Variants in ROBO1 observed in about 807,000 individuals in gnomAD.
ROBO1 encodes the protein roundabout homolog 1.
A neutral mutation model predicts 195.9 loss-of-function variants in ROBO1; 149 were observed. That is an observed-to-expected ratio of 0.76 (90% CI 0.67 to 0.87). ROBO1 has a LOEUF of 0.87. ROBO1 is among the 40% of genes least tolerant of loss of function. The pLI, the probability that ROBO1 is intolerant of heterozygous loss-of-function variation, is 0.00. For missense variants in ROBO1, 1,933 were observed against 2,068.3 expected (o/e 0.93, Z 1.27); for synonymous variants, 816 against 733.2 (o/e 1.11, Z -1.82).
chr3:79,292,983 T>G (rs1433627131), intron 2 of ROBO1, among the ~76,000 whole-genome samples: 2 of 152,174 alleles, frequency 1.3e-5, no homozygotes, highest in East Asian at 3.8e-4. Context: ...CTGGTAGAAT[T>G]TGGCTGTGAA....
chr3:79,214,784 AT>A (rs1281257987), intron 2 of ROBO1, among the ~76,000 whole-genome samples: 1 of 147,930 alleles, frequency 6.8e-6, no homozygotes, highest in African/African-American at 2.5e-5. Context: ...GCATATATAT[AT>A]ATATACACCA....
chr3:79,138,393 A>G (rs562943509), intron 2 of ROBO1, among the ~76,000 whole-genome samples: 2 of 152,170 alleles, frequency 1.3e-5, no homozygotes, highest in South Asian at 4.1e-4. Flanking sequence ...AACATGAATT[A>G]TTTCCTTATT....
intron 4 of ROBO1, among the ~76,000 whole-genome samples, chr3:78,858,660 G>A (rs112938420): frequency 1.1e-3 from 163 of 151,944 alleles, no homozygotes; most frequent in African/African-American, 3.4e-3. Flanking sequence ...TGAGGTGGGA[G>A]GATTGCTTGA....
intron 1 of ROBO1, among the ~76,000 whole-genome samples, chr3:79,700,585 T>C (rs942257252): frequency 6.6e-6 from 1 of 151,858 alleles, no homozygotes; most frequent in African/African-American, 2.4e-5. Flanking sequence ...TGGTGTGAGA[T>C]GGTGCCTTAT....
At chr3:78,944,624 G>T (rs2107724155) in intron 3 of ROBO1, among the ~76,000 whole-genome samples, 1 of 152,378 alleles carries the variant, frequency 6.6e-6, no homozygotes, top group East Asian at 1.9e-4. Context: ...TTCCAACTGA[G>T]GTACCGGGTT....
chr3:79,155,905 C>T (rs1030703785), intron 2 of ROBO1, among the ~76,000 whole-genome samples: 1 of 151,824 alleles, frequency 6.6e-6, no homozygotes, highest in African/African-American at 2.4e-5. Context: ...TACTACAATT[C>T]ATCATTCACT....
intron 2 of ROBO1, among the ~76,000 whole-genome samples, chr3:79,435,193 C>T (rs957181020): frequency 6.6e-6 from 1 of 151,992 alleles, no homozygotes; most frequent in Admixed American, 6.6e-5. Flanking sequence ...GCACATGTAC[C>T]CTAGAACTTA....
At chr3:79,608,015 A>C (rs971664230) in intron 1 of ROBO1, among the ~76,000 whole-genome samples, 1 of 152,038 alleles carries the variant, frequency 6.6e-6, no homozygotes, top group Non-Finnish European at 1.5e-5. Context: ...TACATTGATC[A>C]ATTAGTACGA....
At position 78,953,781 on chromosome 3, in the gene ROBO1, T is replaced by G. The variant is rs111880367; in HGVS notation, c.173-14854A>C. Reference sequence around the variant, plus strand: ...ACTTGAATAAACTGCTTAAACTCTCTGAATATTAGTTTCTCCATCTGTAAA... The same window carrying G: ...ACTTGAATAAACTGCTTAAACTCTCGGAATATTAGTTTCTCCATCTGTAAA... On this transcript the variant is annotated intron_variant, in intron 3 of 30. Coordinates refer to ENST00000464233, the MANE Select transcript of ROBO1 (RefSeq NM_002941.4). 2.9e-3 allele frequency among the ~76,000 whole-genome samples: 435 copies of G among 151,776 alleles called. 3 individuals carry two copies. The highest frequency in any genetic ancestry group is 0.01 in the African/African-American group (425 of 41,230).
At chr3:79,630,686 G>C (rs1049784887) in intron 1 of ROBO1, among the ~76,000 whole-genome samples, 2 of 151,882 alleles carry the variant, frequency 1.3e-5, no homozygotes, top group Non-Finnish European at 2.9e-5. Flanking sequence ...AAAAAGAGTA[G>C]TCAAATCATC....
At chr3:78,731,835 G>A (rs1289392806) in intron 5 of ROBO1, among the ~76,000 whole-genome samples, 1 of 151,928 alleles carries the variant, frequency 6.6e-6, no homozygotes, top group Non-Finnish European at 1.5e-5. Flanking sequence ...TGTGTAAACC[G>A]CTTTTGACAG....
chr3:78,642,574 C>T (rs1449106256), intron 21 of ROBO1, among the ~76,000 whole-genome samples: 3 of 152,200 alleles, frequency 2.0e-5, no homozygotes, highest in African/African-American at 7.2e-5. Flanking sequence ...GCCAGACTTT[C>T]CCATCCCACC....
At chr3:79,700,021 G>T (rs1947567170) in intron 1 of ROBO1, among the ~76,000 whole-genome samples, 1 of 151,424 alleles carries the variant, frequency 6.6e-6, no homozygotes. Flanking sequence ...AACATCTGTT[G>T]TTGCCATCTT....
At chr3:78,929,560 T>A (rs939002256) in intron 4 of ROBO1, among the ~76,000 whole-genome samples, 5 of 151,952 alleles carry the variant, frequency 3.3e-5, no homozygotes, top group Admixed American at 1.3e-4. Flanking sequence ...TGGAGCACAG[T>A]GATGCCACCT....
chr3:79,380,243 G>T (rs2036523669), intron 2 of ROBO1, among the ~76,000 whole-genome samples: 1 of 151,940 alleles, frequency 6.6e-6, no homozygotes, highest in Admixed American at 6.6e-5. Context: ...TCAATTATAG[G>T]AAAGGATTGT....
intron 3 of ROBO1, among the ~76,000 whole-genome samples, chr3:79,030,081 C>A (rs142456703): frequency 6.4e-4 from 98 of 152,310 alleles, no homozygotes; most frequent in African/African-American, 2.3e-3. Context: ...TTGCAGATTG[C>A]AGATATCTGG....
chr3:79,574,091 G>GTGGTTA (rs1420278075), intron 2 of ROBO1, among the ~76,000 whole-genome samples: 6 of 152,060 alleles, frequency 3.9e-5, no homozygotes, highest in African/African-American at 1.4e-4. Context: ...AAATTTTAGG[G>GTGGTTA]TGGTTATGTT....
chr3:79,022,452 G>A (rs145887708), intron 3 of ROBO1, among the ~76,000 whole-genome samples: 5 of 152,336 alleles, frequency 3.3e-5, no homozygotes, highest in Admixed American at 3.3e-4. Context: ...TCCTAGAGAT[G>A]GCTGGATCAT....
chr3:79,301,002 G>A (rs2032917259), intron 2 of ROBO1, among the ~76,000 whole-genome samples: 2 of 152,226 alleles, frequency 1.3e-5, no homozygotes, highest in Admixed American at 6.5e-5. Context: ...TGTGGGTGGG[G>A]CCAGATAAGT....
Sources: gnomAD v4.1 joint callset for allele counts (sites outside exome capture counted in the v4.1 genomes callset) on GRCh38, gnomAD v4.1.1 for gene constraint, MANE v1.5 for transcripts, NCBI Gene and HGNC (gene_info 2026-07-23, HGNC 2026-07-21) for gene names.